Variants in DYNLT2B observed in about 807,000 individuals in gnomAD.
DYNLT2B encodes dynein light chain Tctex-type 2B.
In DYNLT2B, 14 loss-of-function variants were observed where a neutral mutation model predicts 19.5. The observed-to-expected ratio is 0.72, with a 90% CI of 0.47 to 1.12. The LOEUF is 1.12. DYNLT2B is among the 50% of genes most tolerant of loss of function. The pLI is 0.00. For synonymous variants in DYNLT2B, 70 were observed against 59.7 expected (o/e 1.17, Z -0.79); for missense variants, 133 against 174.7 (o/e 0.76, Z 1.35).
chr3:196,296,820 A>G (rs772624252), intron 3 of DYNLT2B, among the ~76,000 whole-genome samples: 8 of 152,138 alleles, frequency 5.3e-5, no homozygotes, highest in Non-Finnish European at 1.2e-4. Context: ...AGGCTGAGAC[A>G]GGGAGTATCA....
intron 3 of DYNLT2B, 42 bp from the exon 4 acceptor site, chr3:196,296,111 G>C (rs745436271): frequency 6.5e-7 from 1 of 1,536,078 alleles, no homozygotes; most frequent in South Asian, 1.1e-5. Context: ...AATCTAACAA[G>C]GACCTAAACG....
intron 1 of DYNLT2B, among the ~76,000 whole-genome samples, chr3:196,317,810 C>G (rs1726919800): frequency 6.6e-6 from 1 of 152,158 alleles, no homozygotes; most frequent in Admixed American, 6.5e-5. Context: ...CTAAGACGCG[C>G]CCGGCGCCCA....
intron 2 of DYNLT2B, among the ~76,000 whole-genome samples, chr3:196,311,907 T>C (rs779353437): frequency 1.4e-4 from 21 of 152,088 alleles, no homozygotes; most frequent in South Asian, 2.1e-4. Flanking sequence ...TTTTGTTTTT[T>C]TGAGACAGAG....
chr3:196,294,993 C>T (rs1726187005), intron 4 of DYNLT2B, among the ~76,000 whole-genome samples: 1 of 152,000 alleles, frequency 6.6e-6, no homozygotes, highest in African/African-American at 2.4e-5. Flanking sequence ...CCACATGCCT[C>T]GGCCTCCCAA....
intron 2 of DYNLT2B, among the ~76,000 whole-genome samples, chr3:196,308,801 T>A (rs1334131109): frequency 6.6e-6 from 1 of 152,202 alleles, no homozygotes; most frequent in Non-Finnish European, 1.5e-5. Context: ...GCTTCCTCCT[T>A]TCTCTAACCA....
intron 2 of DYNLT2B, among the ~76,000 whole-genome samples, chr3:196,313,100 T>C (rs1726684365): frequency 6.6e-6 from 1 of 152,118 alleles, no homozygotes; most frequent in Non-Finnish European, 1.5e-5. Flanking sequence ...AGAATGAATA[T>C]GACATGACTA....
intron 3 of DYNLT2B, among the ~76,000 whole-genome samples, chr3:196,298,447 G>A (rs1726273961): frequency 6.6e-6 from 1 of 151,962 alleles, no homozygotes; most frequent in African/African-American, 2.4e-5. Context: ...CCGAGTAGCT[G>A]GGACTACACA....
At chr3:196,303,276 G>A (rs1432668272) in intron 3 of DYNLT2B, among the ~76,000 whole-genome samples, 1 of 152,136 alleles carries the variant, frequency 6.6e-6, no homozygotes, top group Non-Finnish European at 1.5e-5. Flanking sequence ...TGCTGGGAGA[G>A]ACTGATTTGA....
intron 2 of DYNLT2B, chr3:196,315,276 T>C (rs765229017): frequency 1.2e-5 from 5 of 419,234 alleles, no homozygotes; most frequent in East Asian, 7.3e-5. Flanking sequence ...CTTTTTTTTT[T>C]TTTTGAGACA....
intron 2 of DYNLT2B, among the ~76,000 whole-genome samples, chr3:196,313,931 C>T (rs1577394265): frequency 6.6e-6 from 1 of 152,136 alleles, no homozygotes; most frequent in East Asian, 1.9e-4. Context: ...AACCCCGTCT[C>T]TACTAAAAAC....
At chr3:196,315,563 T>G (rs115061872) in intron 2 of DYNLT2B, among the ~76,000 whole-genome samples, 1,979 of 151,610 alleles carry the variant, frequency 0.013, 51 homozygotes, top group African/African-American at 0.046. Context: ...GCCCGGCCTT[T>G]ATTTTGCTTT....
At chr3:196,306,640 C>T (rs1046939816) in intron 3 of DYNLT2B, among the ~76,000 whole-genome samples, 3 of 152,084 alleles carry the variant, frequency 2.0e-5, no homozygotes, top group Non-Finnish European at 4.4e-5. Flanking sequence ...CCTCCACCTC[C>T]TGCGTTGAAG....
chr3:196,306,715 ATTTTTAG>A (rs1726498627), intron 3 of DYNLT2B, among the ~76,000 whole-genome samples: 1 of 151,828 alleles, frequency 6.6e-6, no homozygotes, highest in East Asian at 1.9e-4. Flanking sequence ...CACCCGGCTA[ATTTTTAG>A]TAGAGACGGG....
chr3:196,307,390 C>T (rs1726516062), intron 2 of DYNLT2B, among the ~76,000 whole-genome samples: 1 of 152,108 alleles, frequency 6.6e-6, no homozygotes, highest in Admixed American at 6.6e-5. Flanking sequence ...GCAACCTCTG[C>T]CTCCAGGGTT....
chr3:196,309,755 C>T (rs1726584569), intron 2 of DYNLT2B, among the ~76,000 whole-genome samples: 1 of 151,484 alleles, frequency 6.6e-6, no homozygotes, highest in African/African-American at 2.4e-5. Context: ...GAGTTTGAGA[C>T]CAGCCTGAAC....
intron 3 of DYNLT2B, 54 bp downstream of exon 3, chr3:196,306,889 T>C (rs1176053922): frequency 1.7e-5 from 25 of 1,505,470 alleles, no homozygotes; most frequent in East Asian, 4.5e-5. Flanking sequence ...AAAGGACAGA[T>C]ACCTCATAAG....
intron 2 of DYNLT2B, chr3:196,315,166 G>C (rs2108798126): frequency 4.9e-6 from 2 of 406,726 alleles, no homozygotes; most frequent in South Asian, 1.8e-5. Context: ...CAAATAATTA[G>C]AGAAGACAAG....
intron 2 of DYNLT2B, among the ~76,000 whole-genome samples, chr3:196,314,996 G>A (rs1490670142): frequency 6.6e-6 from 1 of 152,106 alleles, no homozygotes; most frequent in East Asian, 1.9e-4. Context: ...GCCAGGCTGA[G>A]GACTTGACAG....
intron 4 of DYNLT2B, among the ~76,000 whole-genome samples, chr3:196,295,452 C>T (rs1171353881): frequency 3.3e-5 from 5 of 152,128 alleles, no homozygotes; most frequent in Admixed American, 6.6e-5. Context: ...TGAGCCACCG[C>T]GCCTGGCCTG....
Sources: gnomAD v4.1 joint callset for allele counts (sites outside exome capture counted in the v4.1 genomes callset) on GRCh38, gnomAD v4.1.1 for gene constraint, MANE v1.5 for transcripts, NCBI Gene and HGNC (gene_info 2026-07-23, HGNC 2026-07-21) for gene names.